Variants in ABCD2 observed in about 807,000 individuals in gnomAD.
ABCD2 encodes ATP binding cassette subfamily D member 2.
ABCD2 carries 36 observed loss-of-function variants against 70.9 expected under a neutral mutation model. That is an observed-to-expected ratio of 0.51 (90% CI 0.39 to 0.67). The LOEUF (loss-of-function observed/expected upper bound fraction) is 0.67. ABCD2 is among the 30% of genes least tolerant of loss of function. The pLI is 0.00. For synonymous variants in ABCD2, 304 were observed against 306.9 expected, an observed-to-expected ratio of 0.99 and a Z score of 0.10; for missense variants, 729 against 890.2, an observed-to-expected ratio of 0.82 and a Z score of 2.30.
At chr12:39,555,498 A>G (rs1941150879) in intron 9 of ABCD2, among the ~76,000 whole-genome samples, 1 of 152,220 alleles carries the variant, frequency 6.6e-6, no homozygotes, top group South Asian at 2.1e-4. Flanking sequence ...AATATTAATA[A>G]GAAAATAGTC....
downstream of ABCD2, among the ~76,000 whole-genome samples, chr12:39,548,240 G>A (rs981928759): frequency 1.3e-5 from 2 of 152,050 alleles, no homozygotes. Context: ...TAATGCAACC[G>A]AGCACATTTA....
chr12:39,600,610 T>G lies in ABCD2; in HGVS notation c.1607A>C (p.Tyr536Ser). The G allele has an allele frequency of 1.2e-6, 2 of 1,611,660 alleles. No individual in the cohort carries two copies. Among genetic ancestry groups the G allele is most frequent in the East Asian group, 4.5e-5 (2 of 44,772 alleles). Residue 536 changes from tyrosine (Y) to serine (S), a missense_variant, in exon 6 of 10, where the codon TAT becomes TCT. Physicochemically the swap from Tyr to Ser is moderately radical, Grantham distance 144. Transcript: ENST00000308666. ...GLWPVYEGVLYKPPPQHMFYI... is the reference protein window; with the variant it reads ...GLWPVYEGVLSKPPPQHMFYI... ...AAACATATGTTGAGGAGGTGGTTTATAGAGGACTCCTTCATACACAGGCCA... is the reference window on the plus strand; with the variant it reads ...AAACATATGTTGAGGAGGTGGTTTAGAGAGGACTCCTTCATACACAGGCCA...
At chr12:39,598,216 A>T (rs1426432942) in intron 6 of ABCD2, among the ~76,000 whole-genome samples, 1 of 152,262 alleles carries the variant, frequency 6.6e-6, no homozygotes, top group Non-Finnish European at 1.5e-5. Flanking sequence ...CCATAAAGAG[A>T]TTCATCCTCT....
At position 39,568,781 on chromosome 12, in the gene ABCD2, A is replaced by G. The variant is rs1235434211; in HGVS notation, c.2003+4935T>C. On this transcript the variant is annotated intron_variant, in intron 9 of 9. Transcript: ENST00000308666. ...TTTTATCTATCTTTGGTCTTTGATG[A>G]TGGTGATTTACAGATGGGGTTTTGG... is the stretch of plus-strand genomic sequence containing the variant. Among the ~76,000 whole-genome samples the G allele has an allele frequency of 2.6e-5, 4 of 151,992 alleles. No individual in the cohort carries two copies. The East Asian group carries it at 7.8e-4, about 30-fold the overall frequency.
intron 9 of ABCD2, among the ~76,000 whole-genome samples, chr12:39,569,698 C>A (rs1941418821): frequency 6.6e-6 from 1 of 152,184 alleles, no homozygotes; most frequent in Non-Finnish European, 1.5e-5. Context: ...ATGCAAAAAA[C>A]ACCTGTCTTC....
chr12:39,597,962 A>G (rs1264849547), intron 6 of ABCD2, among the ~76,000 whole-genome samples: 3 of 152,146 alleles, frequency 2.0e-5, no homozygotes, highest in Non-Finnish European at 4.4e-5. Context: ...CTGGGAAAAC[A>G]TTGAGGTGGT....
downstream of ABCD2, among the ~76,000 whole-genome samples, chr12:39,546,805 A>T (rs1941029939): frequency 6.6e-6 from 1 of 152,108 alleles, no homozygotes; most frequent in Admixed American, 6.6e-5. Context: ...ATAGATGAAG[A>T]TGGTAGGGTA....
intron 9 of ABCD2, among the ~76,000 whole-genome samples, chr12:39,565,145 GT>G (rs1308709630): frequency 1.3e-5 from 2 of 152,162 alleles, no homozygotes; most frequent in Non-Finnish European, 2.9e-5. Flanking sequence ...CTTTAAAGTA[GT>G]TTTTTCCAAT....
chr12:39,549,382 T>C (rs1941057989), downstream of ABCD2, among the ~76,000 whole-genome samples: 1 of 151,958 alleles, frequency 6.6e-6, no homozygotes, highest in South Asian at 2.1e-4. Context: ...GGCATACATT[T>C]GTTTAATATT....
chr12:39,612,723 A>G (rs1281660854), intron 2 of ABCD2, among the ~76,000 whole-genome samples: 1 of 152,208 alleles, frequency 6.6e-6, no homozygotes, highest in Non-Finnish European at 1.5e-5. Context: ...GTACAATTAT[A>G]TCCAAATTGG....
intron 6 of ABCD2, among the ~76,000 whole-genome samples, chr12:39,594,974 G>A (rs1225098475): frequency 6.6e-6 from 1 of 152,034 alleles, no homozygotes; most frequent in Non-Finnish European, 1.5e-5. Context: ...CGTGCATGGT[G>A]GTACCATGGT....
chr12:39,609,866 G>A (rs1566586571), intron 2 of ABCD2, among the ~76,000 whole-genome samples: 1 of 152,128 alleles, frequency 6.6e-6, no homozygotes, highest in East Asian at 1.9e-4. Context: ...ACTTAGATGT[G>A]CAAGAAATTA....
the ABCD2 span, among the ~76,000 whole-genome samples, chr12:39,538,171 CT>C: frequency 2.4e-3 from 333 of 139,656 alleles, 1 homozygote; most frequent in East Asian, 0.026. Flanking sequence ...TTCTTTCTTT[CT>C]TTTTTTTTTT....
intron 2 of ABCD2, among the ~76,000 whole-genome samples, chr12:39,612,196 TA>T (rs1301011413): frequency 6.6e-6 from 1 of 152,186 alleles, no homozygotes; most frequent in Non-Finnish European, 1.5e-5. Context: ...AACCTATGCA[TA>T]GCCTGTAATC....
In ABCD2 at chr12:39,553,769, A is replaced by G. The variant is rs1213523957; in HGVS notation, c.*143T>C. 6.3e-6 allele frequency: 4 copies of G among 637,232 alleles called. No homozygotes were observed. Among genetic ancestry groups the G allele is most frequent in the Non-Finnish European group, 2.7e-6 (1 of 376,570 alleles). The allele number at this position is 637,232 out of a possible 1,614,324, so 39.5% of individuals were successfully genotyped here. ...ATTTTCTTCTGAAAAGTCAGATCAT[A>G]TACTTCCTTAATGCTAAAATCTTAT... On this transcript the variant is annotated 3_prime_UTR_variant, in exon 10 of 10. Transcript: ENST00000308666.
intron 8 of ABCD2, among the ~76,000 whole-genome samples, chr12:39,574,920 CA>C (rs1346556829): frequency 3.3e-5 from 5 of 152,114 alleles, no homozygotes; most frequent in Admixed American, 6.5e-5. Context: ...ATACAGGAGT[CA>C]AAGACTCTAA....
intron 2 of ABCD2, among the ~76,000 whole-genome samples, chr12:39,615,887 T>C (rs1336520423): frequency 1.3e-5 from 2 of 152,174 alleles, no homozygotes; most frequent in Non-Finnish European, 2.9e-5. Context: ...GTTTTCTAGG[T>C]AATAATTGTC....
intron 7 of ABCD2, among the ~76,000 whole-genome samples, chr12:39,585,466 A>G (rs910686522): frequency 2.6e-5 from 4 of 152,220 alleles, no homozygotes; most frequent in Non-Finnish European, 5.9e-5. Flanking sequence ...GCAAGCAGGG[A>G]TAGTTTGACT....
At chr12:39,534,397 C>A in the ABCD2 span, among the ~76,000 whole-genome samples, 1 of 152,184 alleles carries the variant, frequency 6.6e-6, no homozygotes, top group Non-Finnish European at 1.5e-5. Context: ...ATGTCATTTT[C>A]CCCTCCTATC....
Sources: allele counts gnomAD v4.1 joint callset (sites outside exome capture counted in the v4.1 genomes callset), GRCh38; gene constraint gnomAD v4.1.1; transcripts MANE v1.5; gene names NCBI Gene and HGNC (gene_info 2026-07-23, HGNC 2026-07-21).